The following PEG3 variants were observed in gnomAD, a reference collection of about 807,000 sequenced individuals.
PEG3 encodes the protein paternally-expressed gene 3 protein.
In PEG3, 23 loss-of-function variants were observed where a neutral mutation model predicts 35.5. That is an observed-to-expected ratio of 0.65 (90% CI 0.47 to 0.92). The LOEUF is 0.92. Among genes scored for constraint, PEG3 ranks in the 40% least tolerant of loss-of-function variants. The probability of loss-of-function intolerance (pLI) is 0.00; values close to 1 mark genes in which losing one functional copy is unlikely to be tolerated. For synonymous variants in PEG3, 707 were observed against 697.0 expected, an observed-to-expected ratio of 1.01 and a Z score of -0.23; for missense variants, 1,960 against 1,985.3, an observed-to-expected ratio of 0.99 and a Z score of 0.24.
chr19:56,814,181 C>G lies in PEG3; in HGVS notation c.4261G>C (p.Glu1421Gln), dbSNP rs1260005771. 3.1e-6 allele frequency: 5 copies of G among 1,614,112 alleles called. No individual in the cohort carries two copies. The highest frequency in any genetic ancestry group is 4.2e-6 in the Non-Finnish European group (5 of 1,180,036). Residue 1421 changes from glutamate (E) to glutamine (Q), a missense_variant, in exon 10 of 10, where the codon GAG (glutamate) becomes CAG (glutamine). This residue lies in a region of PEG3 where 416 missense variants were observed against 416.7 expected (regional missense o/e 1.00). Coordinates refer to ENST00000326441, the MANE Select transcript of PEG3 (RefSeq NM_006210.3). This position sits in a 1 kb window ranked among gnomAD's most constrained non-coding sequence, Gnocchi z 5.8. ...GCCTCTCCATCTGGCCCTTCAGCCT[C>G]TCCGTTTGGCTCAGCAGCCTCCACT... ...PEVEAAEPNGEAEGPDGEAAE... is the reference protein window; with the variant it reads ...PEVEAAEPNGQAEGPDGEAAE...
At chr19:56,819,125 T>C (rs1419707816) in intron 7 of PEG3, among the ~76,000 whole-genome samples, 1 of 152,020 alleles carries the variant, frequency 6.6e-6, no homozygotes, top group Non-Finnish European at 1.5e-5. Context: ...TTATGACACA[T>C]ATAGAAAGGG....
chr19:56,813,069 G>A lies in PEG3; in HGVS notation c.*606C>T. 2 of 985,260 alleles carry A rather than the reference G, an allele frequency of 2.0e-6. No individual in the cohort carries two copies. The highest frequency in any genetic ancestry group is 2.4e-6 in the Non-Finnish European group (2 of 829,660). The allele number at this position is 985,260 out of a possible 1,614,324, so 61.0% of individuals were successfully genotyped here. ...ATCTATCATGCCTACAGCTTCACAA[G>A]ACTATTTAAGGGTAAGAAACAAAAC... On this transcript the variant is annotated 3_prime_UTR_variant, in exon 10 of 10. Transcript: ENST00000326441.
Position 56,816,279 on chromosome 19 carries a change from A to G in PEG3, c.2163T>C (p.Ser721=). 1.9e-6 allele frequency: 3 copies of G among 1,613,986 alleles called. No individual in the cohort carries two copies. Among genetic ancestry groups the G allele is most frequent in the Non-Finnish European group, 2.5e-6 (3 of 1,179,806 alleles). The stretch of plus-strand genomic sequence containing the variant: ...CAGTGAATGGCCCACTATGAATGAC[A>G]GATTTCTCATACCCTCTGCCTTCAA... ...NLFEGRGYEK[S]VIHSGPFTES... Residue 721 remains serine (S), a synonymous_variant, in exon 10 of 10, where the codon TCT becomes TCC. Coordinates refer to ENST00000326441, the MANE Select transcript of PEG3 (RefSeq NM_006210.3).
chr19:56,815,942 C>G lies in PEG3; in HGVS notation c.2500G>C (p.Val834Leu). The G allele has an allele frequency of 7.5e-6, 12 of 1,602,554 alleles. No homozygotes were observed. Among genetic ancestry groups the G allele is most frequent in the Non-Finnish European group, 1.0e-5 (12 of 1,174,754 alleles). ...TSEGREYSRS[V>L]IHSLVASKPP... Reference sequence around the variant, plus strand: ...TTGGAAGCCACTAAGCTATGGATAACAGACCTACTGTATTCCCTTCCTTCA... The same window carrying G: ...TTGGAAGCCACTAAGCTATGGATAAGAGACCTACTGTATTCCCTTCCTTCA... The change falls in exon 10 of 10, where the codon GTT becomes CTT. Residue 834 changes from valine (V) to leucine (L), a missense_variant. Physicochemically the swap from Val to Leu is conservative, Grantham distance 32. Around this residue, in one of 5 missense-constraint regions of PEG3, gnomAD observed 798 missense variants for 782.4 expected, o/e 1.02. Transcript: ENST00000326441.
intron 2 of PEG3, chr19:56,833,389 T>C: frequency 2.9e-6 from 1 of 346,930 alleles, no homozygotes; most frequent in Non-Finnish European, 5.7e-6. Flanking sequence ...GTCTCGTCTC[T>C]CTTCTTGTTT....
Position 56,810,423 on chromosome 19 carries a change from C to T in PEG3, c.*3252G>A, listed in dbSNP as rs1270815482. On this transcript the variant is annotated 3_prime_UTR_variant, in exon 10 of 10. Coordinates refer to ENST00000326441, the MANE Select transcript of PEG3 (RefSeq NM_006210.3). ...TCTTGTTTTTCATCTTTCTTCCCAT[C>T]TTTGACATTTATGCATACTTATCAC... 8 of 984,712 alleles carry T rather than the reference C, an allele frequency of 8.1e-6. No homozygotes were observed. The African/African-American group carries it at 1.2e-4, about 15-fold the overall frequency. 61.0% of individuals were successfully genotyped at this position (984,712 alleles called of 1,614,324 possible). A position where few individuals can be genotyped will look rare whatever the true frequency, so the allele number is the denominator to read the frequency against.
intron 1 of PEG3, among the ~76,000 whole-genome samples, chr19:56,839,697 C>T (rs911635389): frequency 1.2e-4 from 18 of 152,084 alleles, no homozygotes; most frequent in Non-Finnish European, 2.4e-4. Context: ...GGGGCTGGAA[C>T]AGACCATTAC....
Position 56,824,332 on chromosome 19 carries a change from T to G in PEG3, c.324A>C (p.Ala108=). Residue 108 remains alanine, a synonymous_variant, in exon 4 of 10, where the codon GCA becomes GCC. Coordinates refer to ENST00000326441, the MANE Select transcript of PEG3 (RefSeq NM_006210.3). The stretch of plus-strand genomic sequence containing the variant: ...GCTTCTCACAGTTCTCCGGCTTTTT[T>G]GCTCGCACCCAAGGCTTGAGCTTTT... ...IPEKLKPWVR[A]KKPENCEKLV... The G allele has an allele frequency of 6.2e-7, 1 of 1,614,156 alleles. No homozygotes were observed. Among genetic ancestry groups the G allele is most frequent in the Non-Finnish European group, 8.5e-7 (1 of 1,180,038 alleles).
In PEG3 at chr19:56,815,317, G is replaced by T. The variant is rs777800919; in HGVS notation, c.3125C>A (p.Thr1042Asn). ...KCKDFRQFFA[T>N]SEDLNTNQKI... ...CTGGTTTGTGTTGAGGTCTTCGCTG[G>T]TAGCAAAAAATTGTCTGAAGTCCTT... The change falls in exon 10 of 10, where the codon ACC becomes AAC. Residue 1042 changes from threonine (T) to asparagine (N), a missense_variant. Physicochemically the swap from Thr to Asn is moderately conservative, Grantham distance 65. This residue lies in a region of PEG3 where 798 missense variants were observed against 782.4 expected (regional missense o/e 1.02). Transcript: ENST00000326441. The T allele has an allele frequency of 6.2e-7, 1 of 1,614,210 alleles. No individual in the cohort carries two copies.
In PEG3 at chr19:56,812,002, A is replaced by T. The variant is rs1600855017; in HGVS notation, c.*1673T>A. 5.1e-6 allele frequency: 5 copies of T among 985,120 alleles called. No individual in the cohort carries two copies. The highest frequency in any genetic ancestry group is 3.5e-5 in the African/African-American group (2 of 57,314). The allele number at this position is 985,120 out of a possible 1,614,324, so 61.0% of individuals were successfully genotyped here. ...TTGACACTCCCTGCATCTTTGACAT[A>T]CTTCCAAGCCCTAATCCTGCAGATC... On this transcript the variant is annotated 3_prime_UTR_variant, in exon 10 of 10. Coordinates refer to ENST00000326441, the MANE Select transcript of PEG3 (RefSeq NM_006210.3).
At position 56,824,615 on chromosome 19, in the gene PEG3, T is replaced by A. The variant is rs559813104; in HGVS notation, c.41A>T (p.Lys14Met). The change falls in exon 4 of 10, where the codon AAG (lysine) becomes ATG (methionine). Residue 14 changes from lysine (K) to methionine (M), a missense_variant. This residue lies in a region of PEG3 where 613 missense variants were observed against 577.1 expected (regional missense o/e 1.06). Transcript: ENST00000326441. ...PKHLSATKPK[K>M]SWAPNLYELD... ...CTCATACAGATTTGGGGCCCAGGAC[T>A]TCTTAGGTTTGGTGGCAGACAAGTG... The A allele has an allele frequency of 6.2e-7, 1 of 1,606,768 alleles. No homozygotes were observed. The highest frequency in any genetic ancestry group is 1.3e-5 in the African/African-American group (1 of 74,270).
chr19:56,836,108 T>C lies in PEG3; in HGVS notation c.-249-4A>G. 4.2e-6 allele frequency: 2 copies of C among 473,362 alleles called. No homozygotes were observed. Among genetic ancestry groups the C allele is most frequent in the East Asian group, 6.2e-5 (1 of 16,062 alleles). 29.3% of individuals were successfully genotyped at this position (473,362 alleles called of 1,614,324 possible). On this transcript the variant is annotated splice_polypyrimidine_tract_variant and splice_region_variant and intron_variant, in intron 1 of 9. Coordinates refer to ENST00000326441, the MANE Select transcript of PEG3 (RefSeq NM_006210.3). ...ACGGAAGATCAAGAAGGCAAAGCTG[T>C]AGAGGAAAAGAAAATGTGAGACGCC...
intron 2 of PEG3, among the ~76,000 whole-genome samples, chr19:56,832,941 G>A (rs959313539): frequency 6.6e-6 from 1 of 152,126 alleles, no homozygotes; most frequent in Non-Finnish European, 1.5e-5. Flanking sequence ...AAAATGAGTA[G>A]GAAATAAAAG....
At chr19:56,833,096 A>C (rs1470624704) in intron 2 of PEG3, 1 of 500,702 alleles carries the variant, frequency 2.0e-6, no homozygotes, top group African/African-American at 1.9e-5. Context: ...ATGAAAGAAC[A>C]CATCATGCAC....
chr19:56,810,293 T>C lies in PEG3; in HGVS notation c.*3382A>G, dbSNP rs2048035149. On this transcript the variant is annotated 3_prime_UTR_variant, in exon 10 of 10. Coordinates refer to ENST00000326441, the MANE Select transcript of PEG3 (RefSeq NM_006210.3). ...TATAATGAACACATTTCATATATAA[T>C]GGAAATATATGTAGTAAAGGTGGAC... 2 of 973,802 alleles carry C rather than the reference T, an allele frequency of 2.1e-6. No homozygotes were observed. Among genetic ancestry groups the C allele is most frequent in the South Asian group, 4.8e-5 (1 of 21,030 alleles). 60.3% of individuals were successfully genotyped at this position (973,802 alleles called of 1,614,324 possible).
intron 5 of PEG3, 46 bp from the exon 6 acceptor site, chr19:56,822,882 AC>A (rs750457178): frequency 6.3e-7 from 1 of 1,590,604 alleles, no homozygotes; most frequent in Non-Finnish European, 8.6e-7. Context: ...TCTTTGACAC[AC>A]CTGTTTTCCC....
In PEG3 at chr19:56,813,458, C is replaced by T. The variant is rs1373581638; in HGVS notation, c.*217G>A. 2.2e-5 allele frequency: 31 copies of T among 1,379,680 alleles called. No homozygotes were observed. Among genetic ancestry groups the T allele is most frequent in the Non-Finnish European group, 2.7e-5 (29 of 1,067,430 alleles). 85.5% of individuals were successfully genotyped at this position (1,379,680 alleles called of 1,614,324 possible). ...AAGGTAAGATGTGTGCTATGGCTTT[C>T]CCACATGCAGACACTGACATCTGAA... On this transcript the variant is annotated 3_prime_UTR_variant, in exon 10 of 10. Coordinates refer to ENST00000326441, the MANE Select transcript of PEG3 (RefSeq NM_006210.3).
chr19:56,827,063 A>G (rs140492964), intron 2 of PEG3, among the ~76,000 whole-genome samples: 16 of 152,328 alleles, frequency 1.1e-4, no homozygotes, highest in East Asian at 3.9e-4. Flanking sequence ...CCACTAGGGA[A>G]GAAATCTAAA....
rs2059818701 is a variant in PEG3, at chr19:56,814,771, G to A, written c.3671C>T (p.Ala1224Val). The A allele has an allele frequency of 1.2e-6, 2 of 1,614,104 alleles. No homozygotes were observed. Among genetic ancestry groups the A allele is most frequent in the Non-Finnish European group, 1.7e-6 (2 of 1,180,030 alleles). Residue 1224 changes from alanine to valine, a missense_variant, in exon 10 of 10, where the codon GCC becomes GTC. Coordinates refer to ENST00000326441, the MANE Select transcript of PEG3 (RefSeq NM_006210.3). The surrounding 1 kb of genome is among the most constrained non-coding windows in gnomAD (Gnocchi z 5.8). ...AERNPALAGS[A>V]IRCLLCGQGF... ...TTGTCCACACAAAAGGCATCGAATG[G>A]CCGACCCAGCAAGAGCAGGATTCCT...
Sources: gnomAD v4.1 joint callset for allele counts (sites outside exome capture counted in the v4.1 genomes callset) on GRCh38, gnomAD v4.1.1 for gene constraint, gnomAD v4.1.1 regional missense constraint, Gnocchi (gnomAD v3.1) non-coding constraint, MANE v1.5 for transcripts, NCBI Gene and HGNC (gene_info 2026-07-23, HGNC 2026-07-21) for gene names.